MCHR1: variants seen among roughly 807,000 people sequenced by gnomAD.
The protein encoded by MCHR1 is melanin-concentrating hormone receptor 1.
In MCHR1, 13 loss-of-function variants were observed where a neutral mutation model predicts 20.4. The ratio of observed to expected loss-of-function variants is 0.64; its 90% confidence interval spans 0.41 to 1.01. The LOEUF (loss-of-function observed/expected upper bound fraction) is 1.01. Ranked by LOEUF, MCHR1 falls within the 50% of genes least tolerant of loss-of-function variation. The pLI is 0.00. For synonymous variants in MCHR1, 215 were observed against 204.4 expected (o/e 1.05, Z -0.44); for missense variants, 472 against 477.0 (o/e 0.99, Z 0.10).
Position 40,679,670 on chromosome 22 carries a change from G to C in MCHR1, c.18G>C (p.Ser6=), listed in dbSNP as rs141829485. The part of the protein sequence containing the change: MDLEA[S]LLPTGPNASN... ...CTGGCTGGATGGACCTGGAAGCCTC[G>C]CTGCTGCCCACTGGTCCCAACGCCA... Residue 6 remains serine (S), a synonymous_variant, in exon 1 of 2, where the codon TCG becomes TCC. Coordinates refer to ENST00000249016, the MANE Select transcript of MCHR1 (RefSeq NM_005297.4). 1.7e-5 allele frequency: 28 copies of C among 1,614,116 alleles called. No individual in the cohort carries two copies. The African/African-American group carries it at 3.6e-4, about 21-fold the overall frequency.
Position 40,681,058 on chromosome 22 carries a change from G to T in MCHR1, c.192G>T (p.Ala64=), listed in dbSNP as rs372373026. The T allele has an allele frequency of 6.2e-7, 1 of 1,614,036 alleles. No homozygotes were observed. Among genetic ancestry groups the T allele is most frequent in the Non-Finnish European group, 8.5e-7 (1 of 1,180,004 alleles). ...TCGGGAACTCCACGGTCATCTTCGC[G>T]GTCGTGAAGAAGTCCAAGCTGCACT... is the stretch of plus-strand genomic sequence containing the variant. ...GIIGNSTVIF[A]VVKKSKLHWC... The change falls in exon 2 of 2, where the codon GCG becomes GCT. Residue 64 remains alanine, a synonymous_variant. Coordinates refer to ENST00000249016, the MANE Select transcript of MCHR1 (RefSeq NM_005297.4). The surrounding 1 kb of genome is among the most constrained non-coding windows in gnomAD (Gnocchi z 4.3).
At position 40,681,051 on chromosome 22, in the gene MCHR1, T is replaced by C. The variant is rs764584039; in HGVS notation, c.185T>C (p.Ile62Thr). The C allele has an allele frequency of 6.2e-7, 1 of 1,614,078 alleles. No individual in the cohort carries two copies. The highest frequency in any genetic ancestry group is 8.5e-7 in the Non-Finnish European group (1 of 1,180,016). ...LLGIIGNSTV[I>T]FAVVKKSKLH... ...GGCATCATCGGGAACTCCACGGTCA[T>C]CTTCGCGGTCGTGAAGAAGTCCAAG... is the stretch of plus-strand genomic sequence containing the variant. The change falls in exon 2 of 2, where the codon ATC becomes ACC. Residue 62 changes from isoleucine (I) to threonine (T), a missense_variant. Ile to Thr is a moderately conservative substitution (Grantham distance 89). Transcript: ENST00000249016. The surrounding 1 kb of genome is among the most constrained non-coding windows in gnomAD (Gnocchi z 4.3).
At position 40,681,326 on chromosome 22, in the gene MCHR1, T is replaced by C. The variant is rs1335318400; in HGVS notation, c.460T>C (p.Phe154Leu). 1 of 1,614,072 alleles carries C rather than the reference T, an allele frequency of 6.2e-7. No individual in the cohort carries two copies. The highest frequency in any genetic ancestry group is 8.5e-7 in the Non-Finnish European group (1 of 1,180,048). The change falls in exon 2 of 2, where the codon TTC becomes CTC. Residue 154 changes from phenylalanine (F) to leucine (L), a missense_variant. Phe to Leu is a conservative substitution (Grantham distance 22). Transcript: ENST00000249016. This position sits in a 1 kb window ranked among gnomAD's most constrained non-coding sequence, Gnocchi z 4.3. ...ATVHPISSTK[F>L]RKPSVATLVI... is the part of the protein sequence containing the mutation. ...TGTCCACCCCATCTCTTCCACGAAG[T>C]TCCGGAAGCCCTCTGTGGCCACCCT...
chr22:40,681,393 C>G lies in MCHR1; in HGVS notation c.527C>G (p.Thr176Ser). 1 of 1,614,212 alleles carries G rather than the reference C, an allele frequency of 6.2e-7. No individual in the cohort carries two copies. Among genetic ancestry groups the G allele is most frequent in the Non-Finnish European group, 8.5e-7 (1 of 1,180,042 alleles). ...TGGGCCCTCTCCTTCATCAGCATCA[C>G]CCCTGTGTGGCTGTATGCCAGACTC... Reference protein sequence around the residue: ...LLWALSFISITPVWLYARLIP... With the variant: ...LLWALSFISISPVWLYARLIP... The change falls in exon 2 of 2, where the codon ACC becomes AGC. Residue 176 changes from threonine (T) to serine (S), a missense_variant. By Grantham distance (58) the Thr-to-Ser change is moderately conservative. Coordinates refer to ENST00000249016, the MANE Select transcript of MCHR1 (RefSeq NM_005297.4). The surrounding 1 kb of genome is among the most constrained non-coding windows in gnomAD (Gnocchi z 4.3).
In MCHR1 at chr22:40,682,279, G is replaced by A; in HGVS notation, c.*351G>A. ...CAAGAGGTGGAAGGGTACTGACTGG[G>A]TTTGTTTAAAGTCAGGCAGGGCTGG... On this transcript the variant is annotated 3_prime_UTR_variant, in exon 2 of 2. Coordinates refer to ENST00000249016, the MANE Select transcript of MCHR1 (RefSeq NM_005297.4). 1 of 344,516 alleles carries A rather than the reference G, an allele frequency of 2.9e-6. No homozygotes were observed. The highest frequency in any genetic ancestry group is 5.6e-6 in the Non-Finnish European group (1 of 177,628). The allele number at this position is 344,516 out of a possible 1,614,324, so 21.3% of individuals were successfully genotyped here.
chr22:40,681,571 G>A lies in MCHR1; in HGVS notation c.705G>A (p.Met235Ile). The A allele has an allele frequency of 6.2e-7, 1 of 1,613,678 alleles. No homozygotes were observed. Residue 235 changes from methionine to isoleucine, a missense_variant, in exon 2 of 2, where the codon ATG (methionine) becomes ATA (isoleucine). Transcript: ENST00000249016. This position sits in a 1 kb window ranked among gnomAD's most constrained non-coding sequence, Gnocchi z 4.3. ...CATACGTGAGGATCCTGCAGCGCATGACGTCCTCAGTGGCCCCCGCCTCCC... is the reference window on the plus strand; with the variant it reads ...CATACGTGAGGATCCTGCAGCGCATAACGTCCTCAGTGGCCCCCGCCTCCC... ...TAAYVRILQRMTSSVAPASQR... is the reference protein window; with the variant it reads ...TAAYVRILQRITSSVAPASQR...
intron 1 of MCHR1, chr22:40,679,966 C>T (rs1391273403): frequency 6.7e-6 from 4 of 598,556 alleles, no homozygotes; most frequent in Non-Finnish European, 1.2e-5. Flanking sequence ...GGGGGCCAGC[C>T]GTGAGACAGC....
In MCHR1 at chr22:40,681,329, C is replaced by T. The variant is rs201438193; in HGVS notation, c.463C>T (p.Arg155Trp). ...TVHPISSTKF[R>W]KPSVATLVIC... ...CCACCCCATCTCTTCCACGAAGTTC[C>T]GGAAGCCCTCTGTGGCCACCCTGGT... is the stretch of plus-strand genomic sequence containing the variant. Residue 155 changes from arginine to tryptophan, a missense_variant, in exon 2 of 2, where the codon CGG becomes TGG. Coordinates refer to ENST00000249016, the MANE Select transcript of MCHR1 (RefSeq NM_005297.4). This position sits in a 1 kb window ranked among gnomAD's most constrained non-coding sequence, Gnocchi z 4.3. The T allele has an allele frequency of 2.5e-5, 40 of 1,614,214 alleles. No homozygotes were observed. The highest frequency in any genetic ancestry group is 1.3e-4 in the East Asian group (6 of 44,880).
In MCHR1 at chr22:40,681,825, A is replaced by G; in HGVS notation, c.959A>G (p.Lys320Arg). 3 of 1,614,130 alleles carry G rather than the reference A, an allele frequency of 1.9e-6. No homozygotes were observed. The highest frequency in any genetic ancestry group is 2.5e-6 in the Non-Finnish European group (3 of 1,180,034). ...ATCGTGCTCTGTGAGACGTTCCGCAAACGCTTGGTCCTGTCGGTGAAGCCT... is the reference window on the plus strand; with the variant it reads ...ATCGTGCTCTGTGAGACGTTCCGCAGACGCTTGGTCCTGTCGGTGAAGCCT... ...VYIVLCETFR[K>R]RLVLSVKPAA... Residue 320 changes from lysine to arginine, a missense_variant, in exon 2 of 2, where the codon AAA becomes AGA. By Grantham distance (26) the Lys-to-Arg change is conservative. Coordinates refer to ENST00000249016, the MANE Select transcript of MCHR1 (RefSeq NM_005297.4). The surrounding 1 kb of genome is among the most constrained non-coding windows in gnomAD (Gnocchi z 4.3).
intron 1 of MCHR1, chr22:40,680,250 G>A (rs998519360): frequency 3.1e-5 from 6 of 190,802 alleles, no homozygotes; most frequent in South Asian, 1.0e-4. Flanking sequence ...CCAGAGCTGC[G>A]GTGCCCTGGG....
chr22:40,681,891 C>T lies in MCHR1; in HGVS notation c.1025C>T (p.Thr342Met), dbSNP rs149604804. Reference protein sequence around the residue: ...GQLRAVSNAQTADEERTESKG... With the variant: ...GQLRAVSNAQMADEERTESKG... Reference sequence around the variant, plus strand: ...CTTCGCGCTGTCAGCAACGCTCAGACGGCTGACGAGGAGAGGACAGAAAGC... The same window carrying T: ...CTTCGCGCTGTCAGCAACGCTCAGATGGCTGACGAGGAGAGGACAGAAAGC... The change falls in exon 2 of 2, where the codon ACG becomes ATG. Residue 342 changes from threonine (T) to methionine (M), a missense_variant. By Grantham distance (81) the Thr-to-Met change is moderately conservative (BLOSUM62 -1). Transcript: ENST00000249016. The surrounding 1 kb of genome is among the most constrained non-coding windows in gnomAD (Gnocchi z 4.3). The T allele has an allele frequency of 2.6e-3, 4,177 of 1,612,218 alleles. 54 individuals carry two copies. The Middle Eastern group carries it at 0.032, about 12-fold the overall frequency.
At chr22:40,680,048 G>A in intron 1 of MCHR1, 1 of 455,162 alleles carries the variant, frequency 2.2e-6, no homozygotes, top group South Asian at 2.0e-5. Flanking sequence ...GCAAGCGAGA[G>A]AAGCTGGAGG....
In MCHR1 at chr22:40,681,937, C is replaced by T. The variant is rs1472374209; in HGVS notation, c.*9C>T. The T allele has an allele frequency of 6.2e-7, 1 of 1,602,600 alleles. No homozygotes were observed. Among genetic ancestry groups the T allele is most frequent in the East Asian group, 2.2e-5 (1 of 44,890 alleles). ...AAAGCAAAGGCACCTGATACTTCCC[C>T]TGCCACCCTGCACACCTCCAAGTCA... On this transcript the variant is annotated 3_prime_UTR_variant, in exon 2 of 2. Transcript: ENST00000249016. The surrounding 1 kb of genome is among the most constrained non-coding windows in gnomAD (Gnocchi z 4.3).
intron 1 of MCHR1, 98 bp from the exon 2 acceptor site, chr22:40,680,851 G>A (rs1016763280): frequency 6.3e-6 from 10 of 1,586,062 alleles, no homozygotes; most frequent in Non-Finnish European, 8.6e-6. Context: ...GATTCCAGAT[G>A]AACGGTGGGT....
At position 40,682,509 on chromosome 22, in the gene MCHR1, T is replaced by C. The variant is rs2056886534; in HGVS notation, c.*581T>C. 1 of 163,564 alleles carries C rather than the reference T, an allele frequency of 6.1e-6. No individual in the cohort carries two copies. Among genetic ancestry groups the C allele is most frequent in the South Asian group, 1.6e-4 (1 of 6,112 alleles). The allele number at this position is 163,564 out of a possible 1,614,324, so 10.1% of individuals were successfully genotyped here. On this transcript the variant is annotated 3_prime_UTR_variant, in exon 2 of 2. Coordinates refer to ENST00000249016, the MANE Select transcript of MCHR1 (RefSeq NM_005297.4). Reference sequence around the variant, plus strand: ...GAGGATGCATGTTTATTTGAGGGGATGTGGCACTGAGCCCACAGGAGTAAA... The same window carrying C: ...GAGGATGCATGTTTATTTGAGGGGACGTGGCACTGAGCCCACAGGAGTAAA...
intron 1 of MCHR1, 74 bp downstream of exon 1, chr22:40,679,808 TG>T: frequency 6.6e-7 from 1 of 1,517,144 alleles, no homozygotes; most frequent in Non-Finnish European, 9.2e-7. Context: ...TGAGCCAAAC[TG>T]CTTGGGAAAC....
chr22:40,680,831 G>A (rs1353295018), intron 1 of MCHR1, 118 bp from the exon 2 acceptor site: 3 of 1,584,046 alleles, frequency 1.9e-6, no homozygotes, highest in African/African-American at 1.3e-5. Flanking sequence ...GAGGGAGAAT[G>A]GTGGGAGAGG....
rs133074 is a variant in MCHR1, at chr22:40,682,469, T to C, written c.*541T>C. 78,296 of 171,558 alleles carry C rather than the reference T, an allele frequency of 0.46. 20,172 individuals are homozygous for C. The highest frequency in any genetic ancestry group is 0.91 in the East Asian group (6,417 of 7,072). 10.6% of individuals were successfully genotyped at this position (171,558 alleles called of 1,614,324 possible). On this transcript the variant is annotated 3_prime_UTR_variant, in exon 2 of 2. Transcript: ENST00000249016. ...CTCGGCGTTCCAGCATCCTGTCAAT[T>C]TCCCTTTTGCTCTAGAGGATGCATG... is the stretch of plus-strand genomic sequence containing the variant.
chr22:40,679,523 G>GGAA lies in MCHR1; in HGVS notation c.-127_-125dup, dbSNP rs746496445. ...GCGGCAGCGGCTGCCAGGCTACGGA[G>GGAA]GAAGACCCCCTTCCCAACTGCGGGG... On this transcript the variant is annotated 5_prime_UTR_variant, in exon 1 of 2. Coordinates refer to ENST00000249016, the MANE Select transcript of MCHR1 (RefSeq NM_005297.4). 18 of 1,614,000 alleles carry GGAA rather than the reference G, an allele frequency of 1.1e-5. No individual in the cohort carries two copies. Among genetic ancestry groups the GGAA allele is most frequent in the Non-Finnish European group, 1.4e-5 (17 of 1,179,924 alleles).
Sources: allele counts gnomAD v4.1 joint callset, GRCh38; gene constraint gnomAD v4.1.1; non-coding constraint Gnocchi (gnomAD v3.1); transcripts MANE v1.5; gene names NCBI Gene and HGNC (gene_info 2026-07-23, HGNC 2026-07-21).